The following TIAM1 variants were observed in gnomAD, a reference collection of about 807,000 sequenced individuals.
TIAM1 encodes the protein TIAM Rac1 associated GEF 1, also known as rho guanine nucleotide exchange factor TIAM1.
A neutral mutation model predicts 163.5 loss-of-function variants in TIAM1; 65 were observed. The ratio of observed to expected loss-of-function variants is 0.40; its 90% CI spans 0.33 to 0.49. TIAM1 has a LOEUF of 0.49. Ranked by LOEUF, TIAM1 falls within the 20% of genes least tolerant of loss-of-function variation. The pLI, the probability that TIAM1 is intolerant of heterozygous loss-of-function variation, is 0.77. For synonymous variants in TIAM1, 833 were observed against 810.1 expected (o/e 1.03, Z -0.48); for missense variants, 1,789 against 2,044.7 (o/e 0.87, Z 2.41).
intron 1 of TIAM1, among the ~76,000 whole-genome samples, chr21:31,536,914 T>C (rs1414603093): frequency 1.3e-5 from 2 of 152,222 alleles, no homozygotes; most frequent in Non-Finnish European, 2.9e-5. Context: ...AGGCCTGCCA[T>C]GACAGAGACG....
At chr21:31,474,366 G>T (rs1052054522) in intron 1 of TIAM1, among the ~76,000 whole-genome samples, 1 of 152,116 alleles carries the variant, frequency 6.6e-6, no homozygotes. Flanking sequence ...TCAAATCCTG[G>T]TTCCCTCAAC....
chr21:31,363,644 C>A (rs2076446179), intron 2 of TIAM1, among the ~76,000 whole-genome samples: 1 of 152,042 alleles, frequency 6.6e-6, no homozygotes, highest in African/African-American at 2.4e-5. Flanking sequence ...CCTCCTTTTC[C>A]CTTTTCCAAA....
At chr21:31,527,621 G>C (rs1045617065) in intron 1 of TIAM1, among the ~76,000 whole-genome samples, 1 of 151,934 alleles carries the variant, frequency 6.6e-6, no homozygotes, top group African/African-American at 2.4e-5. Context: ...CTTCTGATTG[G>C]GTGTTAAGAC....
intron 2 of TIAM1, among the ~76,000 whole-genome samples, chr21:31,420,980 G>A (rs911804992): frequency 8.6e-5 from 13 of 151,774 alleles, no homozygotes; most frequent in African/African-American, 3.1e-4. Flanking sequence ...AAATTAGCCG[G>A]GTATGGTGGC....
intron 2 of TIAM1, among the ~76,000 whole-genome samples, chr21:31,450,667 G>A (rs547290610): frequency 2.0e-4 from 30 of 152,304 alleles, no homozygotes; most frequent in Admixed American, 1.1e-3. Context: ...TAAGAACAAA[G>A]TGTAATGGAC....
intron 2 of TIAM1, among the ~76,000 whole-genome samples, chr21:31,284,502 T>C (rs954997675): frequency 6.6e-6 from 1 of 152,010 alleles, no homozygotes; most frequent in African/African-American, 2.4e-5. Flanking sequence ...AGACTGAAGT[T>C]CCAGGAAAGG....
At chr21:31,552,827 A>T (rs1448194833) in intron 1 of TIAM1, among the ~76,000 whole-genome samples, 1 of 152,182 alleles carries the variant, frequency 6.6e-6, no homozygotes, top group Non-Finnish European at 1.5e-5. Context: ...ACCACACCAC[A>T]TGTAGGGCAG....
At chr21:31,142,433 C>G (rs2082887309) in intron 20 of TIAM1, among the ~76,000 whole-genome samples, 1 of 140,374 alleles carries the variant, frequency 7.1e-6, no homozygotes, top group Non-Finnish European at 1.5e-5. Flanking sequence ...GCCTGGCCAA[C>G]CTGCTAAAAT....
intron 2 of TIAM1, among the ~76,000 whole-genome samples, chr21:31,279,317 G>A (rs2833357): frequency 0.12 from 17,976 of 152,234 alleles, 1,620 homozygotes; most frequent in East Asian, 0.39. Flanking sequence ...ACAATCAGCA[G>A]ATATGCTAAG....
intron 1 of TIAM1, among the ~76,000 whole-genome samples, chr21:31,503,507 GA>G (rs1231815992): frequency 2.0e-4 from 23 of 114,690 alleles, no homozygotes; most frequent in Non-Finnish European, 3.4e-4. Context: ...AAGAGAAAGA[GA>G]AAAAAAGAGA....
At chr21:31,427,665 T>A (rs990260691) in intron 2 of TIAM1, among the ~76,000 whole-genome samples, 1 of 150,298 alleles carries the variant, frequency 6.7e-6, no homozygotes, top group Non-Finnish European at 1.5e-5. Context: ...CTATGAAAAA[T>A]TTTTTTTAAA....
chr21:31,383,852 T>C (rs2076821652), intron 2 of TIAM1, among the ~76,000 whole-genome samples: 1 of 152,154 alleles, frequency 6.6e-6, no homozygotes, highest in Non-Finnish European at 1.5e-5. Context: ...TTTTCCACTT[T>C]CCAGAGTGAA....
chr21:31,442,477 C>A (rs1210032501), intron 2 of TIAM1, among the ~76,000 whole-genome samples: 2 of 152,016 alleles, frequency 1.3e-5, no homozygotes, highest in African/African-American at 4.8e-5. Context: ...AAGTTATCTG[C>A]CTGCCTCCGC....
intron 3 of TIAM1, among the ~76,000 whole-genome samples, chr21:31,270,808 C>T (rs911685259): frequency 5.3e-5 from 8 of 152,284 alleles, no homozygotes; most frequent in African/African-American, 1.9e-4. Context: ...TCCAATGTGG[C>T]CCAGGGAAGC....
Position 31,213,512 on chromosome 21 carries a change from C to A in TIAM1, c.2143-40G>T, listed in dbSNP as rs542746158. On this transcript the variant is annotated intron_variant, in intron 9 of 27. Coordinates refer to ENST00000541036, the MANE Select transcript of TIAM1 (RefSeq NM_001353694.2). ...GTACCACCTTAAAAAGGAATCTGGG[C>A]AACAGGGCAAACGAAACGTAGGAAG... The A allele has an allele frequency of 3.7e-5, 59 of 1,587,446 alleles. 1 individual carries two copies. The South Asian group carries it at 4.8e-4, about 13-fold the overall frequency.
At chr21:31,245,989 G>C (rs905398892) in intron 5 of TIAM1, among the ~76,000 whole-genome samples, 1 of 152,174 alleles carries the variant, frequency 6.6e-6, no homozygotes, top group Non-Finnish European at 1.5e-5. Flanking sequence ...TCCCGAGGCA[G>C]AGGTCCTCCA....
At chr21:31,491,135 A>AGAAAGAAC (rs2046455396) in intron 1 of TIAM1, among the ~76,000 whole-genome samples, 2 of 150,550 alleles carry the variant, frequency 1.3e-5, no homozygotes, top group Admixed American at 1.3e-4. Flanking sequence ...GTCGAAAGAA[A>AGAAAGAAC]GAAAGAACGA....
intron 2 of TIAM1, among the ~76,000 whole-genome samples, chr21:31,422,748 C>G (rs937324285): frequency 1.3e-5 from 2 of 152,182 alleles, no homozygotes; most frequent in African/African-American, 4.8e-5. Context: ...TATCTTTGTA[C>G]CTTTGCTCAT....
intron 23 of TIAM1, among the ~76,000 whole-genome samples, chr21:31,132,443 T>C (rs1009807414): frequency 6.6e-6 from 1 of 152,126 alleles, no homozygotes; most frequent in Non-Finnish European, 1.5e-5. Context: ...CACCAGCTCT[T>C]CACAGCAGCT....
Sources: gnomAD v4.1 joint callset for allele counts (sites outside exome capture counted in the v4.1 genomes callset) on GRCh38, gnomAD v4.1.1 for gene constraint, MANE v1.5 for transcripts, NCBI Gene and HGNC (gene_info 2026-07-23, HGNC 2026-07-21) for gene names.